Variants in IARS1 observed in about 807,000 individuals in gnomAD.
IARS1 encodes the protein isoleucine--tRNA ligase, cytoplasmic.
IARS1 carries 124 observed loss-of-function variants against 168.2 expected under a neutral mutation model. The observed-to-expected ratio is 0.74, with a 90% CI of 0.64 to 0.86. The LOEUF (loss-of-function observed/expected upper bound fraction) is 0.86, where lower values mean the gene tolerates loss of function less well. IARS1 is among the 40% of genes least tolerant of loss of function. The probability of loss-of-function intolerance (pLI) is 0.00; values close to 1 mark genes in which losing one functional copy is unlikely to be tolerated. For missense variants in IARS1, 1,452 were observed against 1,515.8 expected (o/e 0.96, Z 0.70); for synonymous variants, 532 against 529.4 (o/e 1.00, Z -0.07).
chr9:92,293,227 A>G (rs1390643384), intron 1 of IARS1, among the ~76,000 whole-genome samples: 1 of 152,260 alleles, frequency 6.6e-6, no homozygotes, highest in African/African-American at 2.4e-5. Context: ...TTCACCGAAT[A>G]ATTGTTTCTC....
intron 6 of IARS1, among the ~76,000 whole-genome samples, chr9:92,285,040 T>A (rs1422590293): frequency 6.6e-6 from 1 of 152,188 alleles, no homozygotes; most frequent in South Asian, 2.1e-4. Flanking sequence ...ATTTTACTAA[T>A]GTAATTTTCA....
chr9:92,290,130 C>T (rs1336462549), intron 1 of IARS1, among the ~76,000 whole-genome samples: 1 of 152,118 alleles, frequency 6.6e-6, no homozygotes, highest in African/African-American at 2.4e-5. Context: ...TGAGAAAATG[C>T]CAAAATTTTT....
rs976821030 is a variant in IARS1 at position 92,286,752 on chromosome 9, T to C, written c.397-134A>G. The stretch of plus-strand genomic sequence containing the variant: ...ATAATCAATGGTACAAGTAAATCTA[T>C]ACTGCCAACAACATATTATGTAAGG... On this transcript the variant is annotated intron_variant, in intron 4 of 33. Coordinates refer to ENST00000443024, the MANE Select transcript of IARS1 (RefSeq NM_002161.6). 1.5e-5 allele frequency: 8 copies of C among 544,024 alleles called. No homozygotes were observed. In the African/African-American group the frequency reaches 1.5e-4, roughly 10 times the overall value. The allele number at this position is 544,024 out of a possible 1,614,324, so 33.7% of individuals were successfully genotyped here.
chr9:92,293,337 T>C (rs1181675082), intron 1 of IARS1: 9 of 325,342 alleles, frequency 2.8e-5, no homozygotes, highest in South Asian at 2.5e-4. Flanking sequence ...AGGTAATAAA[T>C]TAAGACATAT....
chr9:92,239,550 C>G (rs542384296), intron 30 of IARS1, among the ~76,000 whole-genome samples: 2 of 145,504 alleles, frequency 1.4e-5, no homozygotes, highest in Non-Finnish European at 3.1e-5. Context: ...TTGGGTTTCA[C>G]GCATACCTTA....
At chr9:92,230,995 C>T (rs1826587045) in intron 30 of IARS1, among the ~76,000 whole-genome samples, 1 of 152,022 alleles carries the variant, frequency 6.6e-6, no homozygotes, top group South Asian at 2.1e-4. Flanking sequence ...TGTCTTTTGT[C>T]AAATATGTTG....
intron 1 of IARS1, among the ~76,000 whole-genome samples, chr9:92,291,409 A>T (rs755898128): frequency 2.1e-4 from 32 of 152,060 alleles, no homozygotes; most frequent in Non-Finnish European, 3.8e-4. Context: ...GTTATCATTT[A>T]AAAAAAAGTC....
Position 92,248,067 on chromosome 9 carries a change from A to G in IARS1, c.2617-516T>C, listed in dbSNP as rs1163690320. Among the ~76,000 whole-genome samples, 3 of 152,386 alleles carry G rather than the reference A, an allele frequency of 2.0e-5. No homozygotes were observed. The South Asian group carries it at 6.2e-4, about 32-fold the overall frequency. On this transcript the variant is annotated intron_variant, in intron 25 of 33. Transcript: ENST00000443024. Reference sequence around the variant, plus strand: ...AAGAAAATGCTTGTTATGAAGATCTATCAAGACAGTTGAGCATAACAGAAA... The same window carrying G: ...AAGAAAATGCTTGTTATGAAGATCTGTCAAGACAGTTGAGCATAACAGAAA...
At chr9:92,257,129 A>C (rs1294538901) in intron 19 of IARS1, among the ~76,000 whole-genome samples, 1 of 152,232 alleles carries the variant, frequency 6.6e-6, no homozygotes, top group African/African-American at 2.4e-5. Flanking sequence ...CTCAGGAAGG[A>C]AGGACAGTAG....
intron 20 of IARS1, among the ~76,000 whole-genome samples, chr9:92,254,043 T>C (rs1402522493): frequency 2.6e-5 from 4 of 152,294 alleles, no homozygotes; most frequent in East Asian, 1.9e-4. Context: ...TGCTCAGTTA[T>C]AAAGCACAGC....
In IARS1 at chr9:92,278,183, C is replaced by T. The variant is rs781728886; in HGVS notation, c.833+16G>A. ...ACACATGCACACAAACACAGAGCAACTATTTGAATATTCACCTTTCAAGGA... is the reference window on the plus strand; with the variant it reads ...ACACATGCACACAAACACAGAGCAATTATTTGAATATTCACCTTTCAAGGA... On this transcript the variant is annotated intron_variant, in intron 8 of 33. Coordinates refer to ENST00000443024, the MANE Select transcript of IARS1 (RefSeq NM_002161.6). The T allele has an allele frequency of 2.0e-6, 3 of 1,466,428 alleles. No individual in the cohort carries two copies. The African/African-American group carries it at 4.2e-5, about 20-fold the overall frequency. The allele number at this position is 1,466,428 out of a possible 1,614,324, so 90.8% of individuals were successfully genotyped here.
intron 12 of IARS1, among the ~76,000 whole-genome samples, chr9:92,270,445 A>T (rs962347509): frequency 6.6e-6 from 1 of 152,222 alleles, no homozygotes; most frequent in African/African-American, 2.4e-5. Context: ...ACAGATTTGT[A>T]CAGGTCTATT....
chr9:92,237,795 A>G (rs141359304), intron 30 of IARS1, among the ~76,000 whole-genome samples: 12 of 152,332 alleles, frequency 7.9e-5, no homozygotes, highest in Non-Finnish European at 1.3e-4. Context: ...TGCATAGTAT[A>G]TATTTTTCTA....
chr9:92,288,083 T>TA (rs371858783), intron 3 of IARS1, 43 bp downstream of exon 3: 23 of 1,581,100 alleles, frequency 1.5e-5, no homozygotes, highest in East Asian at 4.5e-5. Flanking sequence ...CTAATGCTTA[T>TA]AAAAAAAATC....
At chr9:92,258,800 A>G in intron 19 of IARS1, 54 bp downstream of exon 19, 8 of 1,502,948 alleles carry the variant, frequency 5.3e-6, no homozygotes, top group Non-Finnish European at 7.1e-6. Context: ...AGCTTGGTGA[A>G]GGGAGCGCTG....
chr9:92,271,044 C>T lies in IARS1; in HGVS notation c.1146G>A (p.Lys382=). 6.2e-7 allele frequency: 1 copy of T among 1,609,900 alleles called. No individual in the cohort carries two copies. Among genetic ancestry groups the T allele is most frequent in the South Asian group, 1.1e-5 (1 of 90,334 alleles). Reference sequence around the variant, plus strand: ...TGGCAACCAGAAGTCGGCCTTGTTCCTTCAAAGTCCTGATGATACTTTTGT... The same window carrying T: ...TGGCAACCAGAAGTCGGCCTTGTTCTTTCAAAGTCCTGATGATACTTTTGT... The part of the protein sequence containing the change: ...DADKSIIRTL[K]EQGRLLVATT... The change falls in exon 12 of 34, where the codon AAG becomes AAA. Residue 382 remains lysine, a synonymous_variant. Coordinates refer to ENST00000443024, the MANE Select transcript of IARS1 (RefSeq NM_002161.6).
intron 25 of IARS1, among the ~76,000 whole-genome samples, chr9:92,248,651 A>AT (rs1829575657): frequency 7.7e-6 from 1 of 129,298 alleles, no homozygotes; most frequent in Non-Finnish European, 1.7e-5. Context: ...AGACCCTGTC[A>AT]CAAAAAAAAA....
In IARS1 at chr9:92,281,529, C is replaced by A. The variant is rs550102046; in HGVS notation, c.598-636G>T. On this transcript the variant is annotated intron_variant, in intron 6 of 33. Transcript: ENST00000443024. ...TTTGTAAGTCCATCAAGAGTTAGAT[C>A]AAAAAGATAACTGTTCTGGAATATG... Among the ~76,000 whole-genome samples, 282 of 152,084 alleles carry A rather than the reference C, an allele frequency of 1.9e-3. 1 individual carries two copies. Among genetic ancestry groups the A allele is most frequent in the Non-Finnish European group, 3.2e-3 (216 of 67,976 alleles).
In IARS1 at chr9:92,288,220, G is replaced by A. The variant is rs776904169; in HGVS notation, c.182C>T (p.Ala61Val). The A allele has an allele frequency of 4.3e-6, 7 of 1,613,722 alleles. No homozygotes were observed. The highest frequency in any genetic ancestry group is 1.7e-5 in the Admixed American group (1 of 60,014). Residue 61 changes from alanine to valine, a missense_variant, in exon 3 of 34, where the codon GCG becomes GTG. Ala to Val is a moderately conservative substitution (Grantham distance 64, BLOSUM62 0). Coordinates refer to ENST00000443024, the MANE Select transcript of IARS1 (RefSeq NM_002161.6). ...TGLPHYGHIL[A>V]GTIKDIVTRY... ...TGTAACTATATCTTTAATTGTACCC[G>A]CAAGTATATGTCCATAGTGAGGCAG...
Sources: gnomAD v4.1 joint callset for allele counts (sites outside exome capture counted in the v4.1 genomes callset) on GRCh38, gnomAD v4.1.1 for gene constraint, MANE v1.5 for transcripts, NCBI Gene and HGNC (gene_info 2026-07-23, HGNC 2026-07-21) for gene names.